Variants in PRKCI observed in about 807,000 individuals in gnomAD.
The protein encoded by PRKCI is protein kinase C iota type.
PRKCI carries 43 observed loss-of-function variants against 84.0 expected under a neutral mutation model. That is an observed-to-expected ratio of 0.51 (90% CI 0.40 to 0.66). The LOEUF is 0.66. Among genes scored for constraint, PRKCI ranks in the 30% least tolerant of loss-of-function variants. PRKCI has a pLI of 0.00. For missense variants in PRKCI, 459 were observed against 745.6 expected, an observed-to-expected ratio of 0.62 and a Z score of 4.48; for synonymous variants, 216 against 234.4, an observed-to-expected ratio of 0.92 and a Z score of 0.72.
chr3:170,267,590 T>A lies in PRKCI; in HGVS notation c.365-325T>A, dbSNP rs1733893088. 2.0e-5 allele frequency among the ~76,000 whole-genome samples: 3 copies of A among 151,106 alleles called. No individual in the cohort carries two copies. The South Asian group carries it at 6.3e-4, about 32-fold the overall frequency. On this transcript the variant is annotated intron_variant, in intron 4 of 17. Coordinates refer to ENST00000295797, the MANE Select transcript of PRKCI (RefSeq NM_002740.6). ...TGGGAGGCTGAGGCAGGAGAATCAC[T>A]TGAACCCGGGAGGTGGAGGTTGCAG...
chr3:170,247,277 AACTCTTGG>A (rs1733309643), intron 2 of PRKCI, among the ~76,000 whole-genome samples: 1 of 151,484 alleles, frequency 6.6e-6, no homozygotes, highest in African/African-American at 2.4e-5. Flanking sequence ...GCTGGTCTTG[AACTCTTGG>A]ACTCAAGCAA....
chr3:170,295,702 C>G (rs1198163419), intron 14 of PRKCI, among the ~76,000 whole-genome samples: 1 of 150,946 alleles, frequency 6.6e-6, no homozygotes, highest in Admixed American at 6.6e-5. Flanking sequence ...AAAATTTAGC[C>G]GAGCGTGATG....
chr3:170,282,486 C>G (rs1734271779), intron 11 of PRKCI, among the ~76,000 whole-genome samples: 1 of 150,924 alleles, frequency 6.6e-6, no homozygotes, highest in African/African-American at 2.4e-5. Context: ...CACCTGAGGT[C>G]AGGAGTTTGA....
At chr3:170,291,558 G>T (rs890228507) in intron 12 of PRKCI, 1 of 261,676 alleles carries the variant, frequency 3.8e-6, no homozygotes, top group Non-Finnish European at 7.6e-6. Flanking sequence ...TTAGCTGGGT[G>T]TGTTGGTGCA....
At chr3:170,235,110 A>G (rs1732936024) in intron 1 of PRKCI, 120 bp from the exon 2 acceptor site, 2 of 1,015,352 alleles carry the variant, frequency 2.0e-6, no homozygotes, top group Admixed American at 4.7e-5. Context: ...TACTGAAAGC[A>G]ATACATGTTG....
In PRKCI at chr3:170,302,380, A is replaced by G. The variant is rs542416865; in HGVS notation, c.1704-660A>G. Among the ~76,000 whole-genome samples the G allele has an allele frequency of 2.0e-4, 31 of 152,348 alleles. 1 individual carries two copies. The East Asian group carries it at 6.0e-3, about 29-fold the overall frequency. ...TTATTGTGTATAAAATTTAACAAGT[A>G]CTGCTTTCTCTTCCAGTAGGAATTA... On this transcript the variant is annotated intron_variant, in intron 17 of 17. Coordinates refer to ENST00000295797, the MANE Select transcript of PRKCI (RefSeq NM_002740.6).
intron 6 of PRKCI, among the ~76,000 whole-genome samples, chr3:170,270,806 C>T (rs1282101492): frequency 6.6e-6 from 1 of 152,008 alleles, no homozygotes; most frequent in Non-Finnish European, 1.5e-5. Context: ...ATCCTCTGGT[C>T]TAAATTAGGA....
At chr3:170,258,431 G>A (rs766481052) in intron 2 of PRKCI, among the ~76,000 whole-genome samples, 2 of 151,748 alleles carry the variant, frequency 1.3e-5, no homozygotes, top group South Asian at 2.1e-4. Flanking sequence ...TTAGCCTCCC[G>A]AGTAGCTGGG....
intron 2 of PRKCI, among the ~76,000 whole-genome samples, chr3:170,258,557 C>T (rs1050051380): frequency 3.9e-4 from 59 of 152,158 alleles, no homozygotes; most frequent in African/African-American, 1.4e-3. Context: ...CTGCCTCGGC[C>T]TCGCAAACTG....
intron 2 of PRKCI, among the ~76,000 whole-genome samples, chr3:170,236,864 C>CAAA (rs11392753): frequency 1.0e-4 from 13 of 125,630 alleles, no homozygotes; most frequent in Middle Eastern, 3.9e-3. Flanking sequence ...GACCCTGTCT[C>CAAA]AAAAAAAAAA....
intron 12 of PRKCI, among the ~76,000 whole-genome samples, chr3:170,286,927 T>G (rs1734406800): frequency 6.6e-6 from 1 of 151,918 alleles, no homozygotes; most frequent in Non-Finnish European, 1.5e-5. Context: ...GGCACTTTCC[T>G]CAGGTGAATG....
chr3:170,224,192 G>T lies in PRKCI; in HGVS notation c.101+1422G>T, dbSNP rs572112606. Among the ~76,000 whole-genome samples, 12 of 151,534 alleles carry T rather than the reference G, an allele frequency of 7.9e-5. No individual in the cohort carries two copies. The East Asian group carries it at 1.9e-3, about 25-fold the overall frequency. ...TTTGGTTTTTTGTCCTTGATGTAAG[G>T]ACTTTTAAATTTGCTGCCATGAAGC... On this transcript the variant is annotated intron_variant, in intron 1 of 17. Coordinates refer to ENST00000295797, the MANE Select transcript of PRKCI (RefSeq NM_002740.6).
At chr3:170,228,616 T>TAC (rs36006947) in intron 1 of PRKCI, among the ~76,000 whole-genome samples, 48,503 of 147,230 alleles carry the variant, frequency 0.33, 7,820 homozygotes, top group South Asian at 0.38. Context: ...TATATATATA[T>TAC]ACACACACAC....
intron 2 of PRKCI, among the ~76,000 whole-genome samples, chr3:170,242,218 G>A (rs1478088357): frequency 6.6e-6 from 1 of 152,152 alleles, no homozygotes; most frequent in African/African-American, 2.4e-5. Context: ...TTGGCTGAAT[G>A]TGTAGCCAAT....
rs1010804564 is a variant in PRKCI at position 170,296,902 on chromosome 3, T to C, written c.1498-402T>C. Reference sequence around the variant, plus strand: ...ATTGTCTTACACAGGTGGTGGTTTGTTGCTATAATTGGGCATGGGGATTTT... The same window carrying C: ...ATTGTCTTACACAGGTGGTGGTTTGCTGCTATAATTGGGCATGGGGATTTT... On this transcript the variant is annotated intron_variant, in intron 15 of 17. Coordinates refer to ENST00000295797, the MANE Select transcript of PRKCI (RefSeq NM_002740.6). Among the ~76,000 whole-genome samples, 14 of 152,334 alleles carry C rather than the reference T, an allele frequency of 9.2e-5. No individual in the cohort carries two copies. The South Asian group carries it at 1.4e-3, about 16-fold the overall frequency.
intron 2 of PRKCI, among the ~76,000 whole-genome samples, chr3:170,255,669 C>G (rs1733568066): frequency 6.6e-6 from 1 of 152,112 alleles, no homozygotes; most frequent in Non-Finnish European, 1.5e-5. Flanking sequence ...TCTCATTGCT[C>G]TAGCTTGGAC....
intron 15 of PRKCI, 48 bp downstream of exon 15, chr3:170,296,038 A>C (rs1397870985): frequency 9.1e-7 from 1 of 1,099,090 alleles, no homozygotes; most frequent in African/African-American, 1.6e-5. Flanking sequence ...CTTTCTATAT[A>C]TATCAAACTG....
intron 8 of PRKCI, among the ~76,000 whole-genome samples, chr3:170,279,834 C>T (rs931443234): frequency 2.6e-5 from 4 of 152,160 alleles, no homozygotes; most frequent in Non-Finnish European, 5.9e-5. Context: ...GTAACTTTGT[C>T]AATCTTATCC....
At chr3:170,234,499 T>G (rs1430139076) in intron 1 of PRKCI, among the ~76,000 whole-genome samples, 1 of 152,210 alleles carries the variant, frequency 6.6e-6, no homozygotes, top group Non-Finnish European at 1.5e-5. Context: ...GGAAGTTATA[T>G]TTCGATGATA....
Sources: gnomAD v4.1 joint callset for allele counts (sites outside exome capture counted in the v4.1 genomes callset) on GRCh38, gnomAD v4.1.1 for gene constraint, MANE v1.5 for transcripts, NCBI Gene and HGNC (gene_info 2026-07-23, HGNC 2026-07-21) for gene names.